P4HA3: variants seen among roughly 807,000 people sequenced by gnomAD.
P4HA3 encodes prolyl 4-hydroxylase subunit alpha 3.
Under a neutral mutation model 66.7 loss-of-function variants are expected in P4HA3, and 60 were observed. The observed-to-expected ratio is 0.90, with a 90% CI of 0.73 to 1.12. The LOEUF is 1.12. Ranked by LOEUF, P4HA3 falls within the 50% of genes most tolerant of loss-of-function variation. The pLI, the probability that P4HA3 is intolerant of heterozygous loss-of-function variation, is 0.00. For missense variants in P4HA3, 683 were observed against 685.8 expected, an observed-to-expected ratio of 1.00 and a Z score of 0.05; for synonymous variants, 263 against 274.6, an observed-to-expected ratio of 0.96 and a Z score of 0.42.
Position 74,302,707 on chromosome 11 carries a change from C to G in P4HA3, c.344-115G>C, listed in dbSNP as rs1861447515. 1.6e-5 allele frequency: 16 copies of G among 991,182 alleles called. No individual in the cohort carries two copies. In the East Asian group the frequency reaches 4.2e-4, roughly 26 times the overall value. The allele number at this position is 991,182 out of a possible 1,614,324, so 61.4% of individuals were successfully genotyped here. ...TTTAATGACATCAAGTTGGATTTGT[C>G]TTTGTGTTCCCAGAGGCAAGCACAG... On this transcript the variant is annotated intron_variant, in intron 2 of 12. Transcript: ENST00000331597.
At chr11:74,300,312 G>A (rs149646281) in intron 3 of P4HA3, among the ~76,000 whole-genome samples, 63 of 152,306 alleles carry the variant, frequency 4.1e-4, no homozygotes, top group African/African-American at 1.4e-3. Flanking sequence ...ACAATAGCAC[G>A]ATGATGGAAT....
downstream of P4HA3, among the ~76,000 whole-genome samples, chr11:74,265,636 C>T (rs934370149): frequency 3.3e-5 from 5 of 152,234 alleles, no homozygotes; most frequent in Non-Finnish European, 7.3e-5. Flanking sequence ...CTGGGAAACA[C>T]TTCTCATCAC....
Position 74,306,539 on chromosome 11 carries a change from G to A in P4HA3, c.201-2127C>T, listed in dbSNP as rs1591140818. On this transcript the variant is annotated intron_variant, in intron 1 of 12. Coordinates refer to ENST00000331597, the MANE Select transcript of P4HA3 (RefSeq NM_182904.5). Reference sequence around the variant, plus strand: ...TAGAAGAAAAAAAAGTTTGTGCAAAGTGAAAAAAAATGAACGTGTGCAAGA... The same window carrying A: ...TAGAAGAAAAAAAAGTTTGTGCAAAATGAAAAAAAATGAACGTGTGCAAGA... 2.0e-5 allele frequency among the ~76,000 whole-genome samples: 3 copies of A among 152,284 alleles called. No homozygotes were observed. In the East Asian group the frequency reaches 5.8e-4, roughly 29 times the overall value.
At chr11:74,261,769 C>T (rs1246597047), downstream of P4HA3, among the ~76,000 whole-genome samples, 1 of 152,176 alleles carries the variant, frequency 6.6e-6, no homozygotes, top group Admixed American at 6.5e-5. Flanking sequence ...ATCAGGAATG[C>T]TTAGCTGAAT....
At position 74,302,488 on chromosome 11, in the gene P4HA3, T is replaced by G. The variant is rs752429221; in HGVS notation, c.448A>C (p.Asn150His). 3.7e-6 allele frequency: 6 copies of G among 1,614,190 alleles called. No individual in the cohort carries two copies. In the South Asian group the frequency reaches 6.6e-5, roughly 18 times the overall value. The change falls in exon 3 of 13, where the codon AAT becomes CAT. Residue 150 changes from asparagine to histidine, a missense_variant. Transcript: ENST00000331597. ...LMRLQDVYML[N>H]VKGLARGVFQ... ...ACACCTCGGGCCAGGCCTTTCACATTGAGCATGTACACGTCCTGCAGCCGC... is the reference window on the plus strand; with the variant it reads ...ACACCTCGGGCCAGGCCTTTCACATGGAGCATGTACACGTCCTGCAGCCGC...
At chr11:74,292,030 C>CT in intron 4 of P4HA3, among the ~76,000 whole-genome samples, 1 of 152,100 alleles carries the variant, frequency 6.6e-6, no homozygotes, top group Admixed American at 6.6e-5. Context: ...GTACCAGCTC[C>CT]TCTTTGTACC....
intron 5 of P4HA3, chr11:74,287,281 C>T: frequency 1.6e-6 from 2 of 1,289,402 alleles, no homozygotes; most frequent in Non-Finnish European, 2.0e-6. Flanking sequence ...CTTCTAACCA[C>T]AACCATCACC....
chr11:74,311,614 C>A lies in P4HA3; in HGVS notation c.-3G>T. 6.7e-7 allele frequency: 1 copy of A among 1,498,156 alleles called. No homozygotes were observed. Among genetic ancestry groups the A allele is most frequent in the Non-Finnish European group, 8.8e-7 (1 of 1,135,454 alleles). The allele number at this position is 1,498,156 out of a possible 1,614,324, so 92.8% of individuals were successfully genotyped here. A position where few individuals can be genotyped will look rare whatever the true frequency, so the allele number is the denominator to read the frequency against. On this transcript the variant is annotated 5_prime_UTR_variant, in exon 1 of 13. Coordinates refer to ENST00000331597, the MANE Select transcript of P4HA3 (RefSeq NM_182904.5). ...GCCAGCCGCGCCCCAGGACCCATAG[C>A]CAGCGCTCGCGAACTTCCCCTCAGA...
At chr11:74,285,587 C>T (rs182549369) in intron 7 of P4HA3, 12 of 482,614 alleles carry the variant, frequency 2.5e-5, no homozygotes, top group Non-Finnish European at 4.4e-5. Flanking sequence ...TTCAATACCC[C>T]AGAGAATCCT....
chr11:74,304,520 C>T, intron 1 of P4HA3, 108 bp from the exon 2 acceptor site: 1 of 1,285,540 alleles, frequency 7.8e-7, no homozygotes, highest in Non-Finnish European at 1.1e-6. Context: ...ACATGCTGAA[C>T]CTCTTGAGAT....
Position 74,269,292 on chromosome 11 carries a change from G to A in P4HA3, c.1467+360C>T, listed in dbSNP as rs545893004. Among the ~76,000 whole-genome samples the A allele has an allele frequency of 5.3e-5, 8 of 152,184 alleles. No individual in the cohort carries two copies. In the South Asian group the frequency reaches 1.5e-3, roughly 28 times the overall value. On this transcript the variant is annotated intron_variant, in intron 11 of 12. Coordinates refer to ENST00000331597, the MANE Select transcript of P4HA3 (RefSeq NM_182904.5). ...CTATGAATTTCCCTCTGCACCCTCCGTGCCTCTAGCTCTCAATGTGGACTG... is the reference window on the plus strand; with the variant it reads ...CTATGAATTTCCCTCTGCACCCTCCATGCCTCTAGCTCTCAATGTGGACTG...
In P4HA3 at chr11:74,277,055, T is replaced by G. The variant is rs781232004; in HGVS notation, c.1265A>C (p.Tyr422Ser). The G allele has an allele frequency of 6.2e-7, 1 of 1,613,986 alleles. No homozygotes were observed. ...GTTCACCACCTGCAGATACTCTGCATAGGGAGGCCGGACATCAAGGCCTGT... is the reference window on the plus strand; with the variant it reads ...GTTCACCACCTGCAGATACTCTGCAGAGGGAGGCCGGACATCAAGGCCTGT... ...ALTGLDVRPPYAEYLQVVNYG... is the reference protein window; with the variant it reads ...ALTGLDVRPPSAEYLQVVNYG... The change falls in exon 9 of 13, where the codon TAT becomes TCT. Residue 422 changes from tyrosine to serine, a missense_variant. Transcript: ENST00000331597.
intron 15 of P4HA3, among the ~76,000 whole-genome samples, chr11:74,252,234 A>AT (rs1180959290): frequency 0.015 from 1,977 of 132,966 alleles, 24 homozygotes; most frequent in African/African-American, 0.029. Context: ...TACCCGGCTA[A>AT]TTTTGTTTTT....
chr11:74,281,834 C>G (rs1860610061), intron 7 of P4HA3, among the ~76,000 whole-genome samples: 2 of 150,356 alleles, frequency 1.3e-5, no homozygotes, highest in African/African-American at 4.9e-5. Flanking sequence ...TGTAACTAAC[C>G]TGCACAATGT....
intron 1 of P4HA3, among the ~76,000 whole-genome samples, chr11:74,304,772 A>C (rs1209131644): frequency 6.6e-6 from 1 of 152,190 alleles, no homozygotes; most frequent in African/African-American, 2.4e-5. Context: ...GTAGAAACTC[A>C]AAAACACTAT....
intron 15 of P4HA3, chr11:74,250,933 C>T: frequency 6.3e-7 from 1 of 1,583,248 alleles, no homozygotes; most frequent in East Asian, 2.3e-5. Flanking sequence ...CTGAAGTTGC[C>T]TTGCTTTGAT....
rs780465609 is a variant in P4HA3, at chr11:74,302,505, T to A, written c.431A>T (p.Gln144Leu). The change falls in exon 3 of 13, where the codon CAG becomes CTG. Residue 144 changes from glutamine (Q) to leucine (L), a missense_variant. Coordinates refer to ENST00000331597, the MANE Select transcript of P4HA3 (RefSeq NM_182904.5). ...EGAARALMRL[Q>L]DVYMLNVKGL... is the part of the protein sequence containing the mutation. ...TTTCACATTGAGCATGTACACGTCC[T>A]GCAGCCGCATCAGGGCCCTTGCTGC... 2.5e-6 allele frequency: 4 copies of A among 1,614,224 alleles called. No homozygotes were observed. The East Asian group carries it at 8.9e-5, about 36-fold the overall frequency.
intron 9 of P4HA3, 61 bp downstream of exon 9, chr11:74,276,924 G>A (rs1860416414): frequency 4.6e-6 from 7 of 1,506,308 alleles, no homozygotes; most frequent in Non-Finnish European, 6.3e-6. Context: ...CTCTGCCTCA[G>A]AGAAATAAAT....
At position 74,304,254 on chromosome 11, in the gene P4HA3, CCCT is replaced by C. The variant is rs754268967; in HGVS notation, c.343+13_343+15del. ...TAGAATCTTCTCTCTTACCCTCCAG[CCCT>C]CCTCCTCATTACCTCGGATGTTCTC... On this transcript the variant is annotated intron_variant, in intron 2 of 12. Transcript: ENST00000331597. 17 of 1,613,390 alleles carry C rather than the reference CCCT, an allele frequency of 1.1e-5. No homozygotes were observed. The highest frequency in any genetic ancestry group is 1.4e-5 in the Non-Finnish European group (17 of 1,179,616).
Sources: gnomAD v4.1 joint callset for allele counts (sites outside exome capture counted in the v4.1 genomes callset) on GRCh38, gnomAD v4.1.1 for gene constraint, MANE v1.5 for transcripts, NCBI Gene and HGNC (gene_info 2026-07-23, HGNC 2026-07-21) for gene names.